The following MRTFA variants were observed in gnomAD, a reference collection of about 807,000 sequenced individuals.
MRTFA encodes myocardin related transcription factor A, also known as myocardin-related transcription factor A.
A neutral mutation model predicts 83.5 loss-of-function variants in MRTFA; 20 were observed. That is an observed-to-expected ratio of 0.24 (90% CI 0.17 to 0.35). The LOEUF (loss-of-function observed/expected upper bound fraction) is 0.35. MRTFA is among the 10% of genes least tolerant of loss of function. The pLI, the probability that MRTFA is intolerant of heterozygous loss-of-function variation, is 1.00. For synonymous variants in MRTFA, 659 were observed against 541.2 expected (o/e 1.22, Z -3.02); for missense variants, 1,200 against 1,224.7 (o/e 0.98, Z 0.30).
chr22:40,601,540 A>G (rs1190650554), intron 1 of MRTFA, among the ~76,000 whole-genome samples: 1 of 152,206 alleles, frequency 6.6e-6, no homozygotes, highest in African/African-American at 2.4e-5. Flanking sequence ...CTTCCATTTT[A>G]CTGTCTTATA....
At chr22:40,453,044 G>C (rs2147132483) in intron 4 of MRTFA, among the ~76,000 whole-genome samples, 1 of 152,256 alleles carries the variant, frequency 6.6e-6, no homozygotes, top group Middle Eastern at 3.4e-3. Flanking sequence ...CAAGGATGTT[G>C]ACACAAATGC....
intron 1 of MRTFA, among the ~76,000 whole-genome samples, 179 bp from the exon 2 acceptor site, chr22:40,594,914 T>C (rs950823304): frequency 4.2e-5 from 6 of 144,054 alleles, no homozygotes; most frequent in African/African-American, 1.3e-4. Context: ...AAAAGGCCCA[T>C]GTAAGTGGAG....
rs2052501466 is a variant in MRTFA at position 40,410,822 on chromosome 22, G to A, written c.*568C>T. 3 of 232,772 alleles carry A rather than the reference G, an allele frequency of 1.3e-5. No homozygotes were observed. The highest frequency in any genetic ancestry group is 1.8e-4 in the South Asian group (1 of 5,540). The allele number at this position is 232,772 out of a possible 1,614,324, so 14.4% of individuals were successfully genotyped here. A position where few individuals can be genotyped will look rare whatever the true frequency, so the allele number is the denominator to read the frequency against. ...ATGTATGTCGATATATAATATAGAG[G>A]TATATACACCTGTACATAAAATTGT... On this transcript the variant is annotated 3_prime_UTR_variant, in exon 15 of 15. Coordinates refer to ENST00000355630, the MANE Select transcript of MRTFA (RefSeq NM_020831.6).
intron 3 of MRTFA, among the ~76,000 whole-genome samples, chr22:40,515,011 C>T (rs999386417): frequency 1.3e-5 from 2 of 150,960 alleles, no homozygotes; most frequent in African/African-American, 4.9e-5. Context: ...TGGGTTCAAA[C>T]GATTCTCCCG....
chr22:40,460,760 A>C lies in MRTFA; in HGVS notation c.307+2461T>G, dbSNP rs114646498. Reference sequence around the variant, plus strand: ...TGCTGATACAATGAACAAGCCACCTAACACTTTAAGAACTGGGGGTAGAGA... The same window carrying C: ...TGCTGATACAATGAACAAGCCACCTCACACTTTAAGAACTGGGGGTAGAGA... On this transcript the variant is annotated intron_variant, in intron 4 of 14. Transcript: ENST00000355630. 4.4e-3 allele frequency among the ~76,000 whole-genome samples: 671 copies of C among 152,300 alleles called. 7 individuals carry two copies. Among genetic ancestry groups the C allele is most frequent in the African/African-American group, 0.016 (647 of 41,562 alleles).
rs529956711 is a variant in MRTFA at position 40,623,506 on chromosome 22, G to A, written c.-84+12972C>T. On this transcript the variant is annotated intron_variant, in intron 1 of 14. Coordinates refer to ENST00000355630, the MANE Select transcript of MRTFA (RefSeq NM_020831.6). The stretch of plus-strand genomic sequence containing the variant: ...CCCGATACTGTCCTTTAAGCCAAGG[G>A]AGGACAGAATCAGGAAAGGGGTGTT... Among the ~76,000 whole-genome samples, 24 of 150,078 alleles carry A rather than the reference G, an allele frequency of 1.6e-4. No homozygotes were observed. In the South Asian group the frequency reaches 5.1e-3, roughly 32 times the overall value.
chr22:40,480,624 T>G (rs1397404192), intron 3 of MRTFA, among the ~76,000 whole-genome samples: 1 of 152,088 alleles, frequency 6.6e-6, no homozygotes, highest in Non-Finnish European at 1.5e-5. Flanking sequence ...GAATCGAGAT[T>G]TTAACAGGAT....
At chr22:40,562,805 C>G (rs964100147) in intron 2 of MRTFA, among the ~76,000 whole-genome samples, 1 of 151,148 alleles carries the variant, frequency 6.6e-6, no homozygotes, top group Non-Finnish European at 1.5e-5. Flanking sequence ...ACAGAAAAAA[C>G]TTAAGAATCT....
chr22:40,431,922 C>T (rs370716378), intron 5 of MRTFA, among the ~76,000 whole-genome samples: 1 of 152,182 alleles, frequency 6.6e-6, no homozygotes, highest in Non-Finnish European at 1.5e-5. Flanking sequence ...TGTAATCACA[C>T]TGAATATGAT....
intron 2 of MRTFA, among the ~76,000 whole-genome samples, chr22:40,568,004 AAAAG>A (rs1337701404): frequency 6.6e-6 from 1 of 152,234 alleles, no homozygotes; most frequent in African/African-American, 2.4e-5. Context: ...TTGCCATAAA[AAAAG>A]AACCTGTCAT....
At chr22:40,496,599 T>G (rs2054359463) in intron 3 of MRTFA, among the ~76,000 whole-genome samples, 1 of 145,622 alleles carries the variant, frequency 6.9e-6, no homozygotes, top group South Asian at 2.2e-4. Flanking sequence ...CTTAAAACAG[T>G]GCCCATTCTA....
intron 3 of MRTFA, among the ~76,000 whole-genome samples, chr22:40,539,883 G>C (rs1451743699): frequency 1.3e-5 from 2 of 150,158 alleles, no homozygotes; most frequent in Non-Finnish European, 3.0e-5. Flanking sequence ...TAAACAATCG[G>C]TGTTCAAATT....
intron 3 of MRTFA, among the ~76,000 whole-genome samples, chr22:40,471,486 T>C (rs2053912225): frequency 6.6e-6 from 1 of 151,994 alleles, no homozygotes; most frequent in African/African-American, 2.4e-5. Flanking sequence ...AAATAGAACA[T>C]CGGAATAGAT....
chr22:40,476,032 T>A (rs1188901546), intron 3 of MRTFA, among the ~76,000 whole-genome samples: 1 of 151,458 alleles, frequency 6.6e-6, no homozygotes. Context: ...TAGTCCCAGC[T>A]ACTCGGGAGG....
chr22:40,494,071 C>G (rs145007227), intron 3 of MRTFA, among the ~76,000 whole-genome samples: 3 of 152,278 alleles, frequency 2.0e-5, no homozygotes, highest in African/African-American at 7.2e-5. Context: ...TCTTAGATTT[C>G]TGTGTGTCTC....
chr22:40,476,129 G>A (rs1483326932), intron 3 of MRTFA, among the ~76,000 whole-genome samples: 9 of 140,748 alleles, frequency 6.4e-5, no homozygotes, highest in Admixed American at 5.7e-4. Flanking sequence ...GGGCGACAGA[G>A]CAAGACTCCG....
At chr22:40,527,383 G>A (rs904659794) in intron 3 of MRTFA, among the ~76,000 whole-genome samples, 12 of 143,182 alleles carry the variant, frequency 8.4e-5, no homozygotes, top group Non-Finnish European at 1.4e-4. Context: ...AGAAAGTGGA[G>A]TTTTTTTTTT....
Position 40,418,946 on chromosome 22 carries a change from C to T in MRTFA, c.1792G>A (p.Val598Met), listed in dbSNP as rs199750225. ...CCGGCCCGGGGGCCCTCCTCCTTCA[C>T]GAGGATCTGCAGTGGCGAGGCCTGC... Residue 598 changes from valine to methionine, a missense_variant, in exon 12 of 15, where the codon GTG (valine) becomes ATG (methionine). Transcript: ENST00000355630. The T allele has an allele frequency of 3.1e-4, 499 of 1,612,886 alleles. 1 individual carries two copies. The highest frequency in any genetic ancestry group is 8.4e-4 in the African/African-American group (63 of 75,054).
intron 4 of MRTFA, among the ~76,000 whole-genome samples, chr22:40,445,739 G>A (rs932934329): frequency 9.2e-5 from 14 of 152,056 alleles, no homozygotes; most frequent in Admixed American, 8.5e-4. Context: ...TAGTAAAGAC[G>A]GGGTTTCACC....
Sources: allele counts gnomAD v4.1 joint callset (sites outside exome capture counted in the v4.1 genomes callset), GRCh38; gene constraint gnomAD v4.1.1; transcripts MANE v1.5; gene names NCBI Gene and HGNC (gene_info 2026-07-23, HGNC 2026-07-21).